The following ADAT3 variants were observed in gnomAD, a reference collection of about 807,000 sequenced individuals.
ADAT3 encodes adenosine deaminase tRNA specific 3.
In ADAT3, 2 loss-of-function variants were observed where a neutral mutation model predicts 3.5. The ratio of observed to expected loss-of-function variants is 0.57; its 90% CI spans 0.23 to 1.79. The LOEUF is 1.79. Ranked by LOEUF, ADAT3 falls within the 40% of genes most tolerant of loss-of-function variation. ADAT3 has a pLI of 0.18. For missense variants in ADAT3, 735 were observed against 571.4 expected (o/e 1.29, Z -2.92); for synonymous variants, 358 against 270.3 (o/e 1.32, Z -3.18).
Position 1,905,932 on chromosome 19 carries a change from A to C in ADAT3, c.-159+493A>C, listed in dbSNP as rs1241886234. ...ACCATCGTTCCTCATCGTTACCTAG[A>C]GTATGAGTTTTTCAGGTTTTTGTAT... On this transcript the variant is annotated intron_variant, in intron 1 of 1. Transcript: ENST00000329478. 3 of 152,246 alleles carry C rather than the reference A, an allele frequency of 2.0e-5. No homozygotes were observed. In the East Asian group the frequency reaches 5.8e-4, roughly 29 times the overall value. 9.4% of individuals were successfully genotyped at this position (152,246 alleles called of 1,614,324 possible). A position where few individuals can be genotyped will look rare whatever the true frequency, so the allele number is the denominator to read the frequency against.
rs751793893 is a variant in ADAT3, at chr19:1,912,851, C to A, written c.804C>A (p.Ala268=). ...GACCCTTCCCCGCCTGCTCCTTCGC[C>A]CCGGCCGCTGCCCCCCAGGCCGTCC... The part of the protein sequence containing the change: ...DFRPFPACSF[A]PAAAPQAVRA... Residue 268 remains alanine, a synonymous_variant, in exon 2 of 2, where the codon GCC becomes GCA. Coordinates refer to ENST00000329478, the MANE Select transcript of ADAT3 (RefSeq NM_138422.4). 1 of 1,596,976 alleles carries A rather than the reference C, an allele frequency of 6.3e-7. No homozygotes were observed. The highest frequency in any genetic ancestry group is 8.5e-7 in the Non-Finnish European group (1 of 1,176,972).
chr19:1,912,269 C>G lies in ADAT3; in HGVS notation c.222C>G (p.Arg74=). The change falls in exon 2 of 2, where the codon CGC becomes CGG. Residue 74 remains arginine (R), a synonymous_variant. Transcript: ENST00000329478. ...APVLDKRQTS[R]LLKEVSALHP... ...TCCTGGACAAGCGCCAGACCTCACG[C>G]CTCCTGAAGGAGGTGTCGGCCCTGC... is the stretch of plus-strand genomic sequence containing the variant. 1 of 1,593,112 alleles carries G rather than the reference C, an allele frequency of 6.3e-7. No individual in the cohort carries two copies.
In ADAT3 at chr19:1,913,000, G is replaced by C. The variant is rs368033500; in HGVS notation, c.953G>C (p.Arg318Pro). ...TGCGCCATGGCCCTGGTGCACGCAC[G>C]CATCCTGCGCGTCTTCTACGGTGCG... ...AMCAMALVHARILRVFYGAPS... is the reference protein window; with the variant it reads ...AMCAMALVHAPILRVFYGAPS... The change falls in exon 2 of 2, where the codon CGC (arginine) becomes CCC (proline). Residue 318 changes from arginine to proline, a missense_variant. By Grantham distance (103) the Arg-to-Pro change is moderately radical. Coordinates refer to ENST00000329478, the MANE Select transcript of ADAT3 (RefSeq NM_138422.4). 6.2e-7 allele frequency: 1 copy of C among 1,607,906 alleles called. No individual in the cohort carries two copies.
At position 1,913,350 on chromosome 19, in the gene ADAT3, G is replaced by A; in HGVS notation, c.*199G>A. ...CGGTCATTGGGGCCACCCCGTGCCAGCGGTGCCCTTCTGCGGCCGCCCTTG... is the reference window on the plus strand; with the variant it reads ...CGGTCATTGGGGCCACCCCGTGCCAACGGTGCCCTTCTGCGGCCGCCCTTG... On this transcript the variant is annotated 3_prime_UTR_variant, in exon 2 of 2. Transcript: ENST00000329478. The A allele has an allele frequency of 1.3e-6, 1 of 792,706 alleles. No individual in the cohort carries two copies. The highest frequency in any genetic ancestry group is 2.0e-5 in the South Asian group (1 of 51,222). The allele number at this position is 792,706 out of a possible 1,614,324, so 49.1% of individuals were successfully genotyped here.
chr19:1,911,656 G>A (rs538993742), intron 1 of ADAT3, among the ~76,000 whole-genome samples: 80 of 152,306 alleles, frequency 5.3e-4, no homozygotes, highest in African/African-American at 1.8e-3. Flanking sequence ...GGTGGCGCAT[G>A]CCTGTAATCC....
intron 1 of ADAT3, chr19:1,907,131 G>C (rs2013166026): frequency 6.6e-6 from 1 of 151,884 alleles, no homozygotes; most frequent in African/African-American, 2.4e-5. Flanking sequence ...AGGTTGCAGT[G>C]AGCCAGGATC....
chr19:1,912,848 C>G lies in ADAT3; in HGVS notation c.801C>G (p.Phe267Leu). ...TCAGACCCTTCCCCGCCTGCTCCTT[C>G]GCCCCGGCCGCTGCCCCCCAGGCCG... Reference protein sequence around the residue: ...YDFRPFPACSFAPAAAPQAVR... With the variant: ...YDFRPFPACSLAPAAAPQAVR... The change falls in exon 2 of 2, where the codon TTC becomes TTG. Residue 267 changes from phenylalanine to leucine, a missense_variant. Physicochemically the swap from Phe to Leu is conservative, Grantham distance 22. Transcript: ENST00000329478. 1 of 1,595,736 alleles carries G rather than the reference C, an allele frequency of 6.3e-7. No homozygotes were observed. The highest frequency in any genetic ancestry group is 8.5e-7 in the Non-Finnish European group (1 of 1,176,624).
In ADAT3 at chr19:1,913,198, C is replaced by T. The variant is rs1465253672; in HGVS notation, c.*47C>T. 5.5e-6 allele frequency: 8 copies of T among 1,467,296 alleles called. No homozygotes were observed. 90.9% of individuals were successfully genotyped at this position (1,467,296 alleles called of 1,614,324 possible). On this transcript the variant is annotated 3_prime_UTR_variant, in exon 2 of 2. Coordinates refer to ENST00000329478, the MANE Select transcript of ADAT3 (RefSeq NM_138422.4). ...ACCCTTCCCGCTCCCGGCCGTGGGG[C>T]GCCCCTCCTGGACTTCCGGGCCTCG...
Position 1,908,442 on chromosome 19 carries a change from A to G in ADAT3, c.-159+3003A>G, listed in dbSNP as rs1422597538. The stretch of plus-strand genomic sequence containing the variant: ...CAGTGCATGTCGAGGAGTAGCACCC[A>G]CAGCTGCGCGGCTGCGAAATGATCC... On this transcript the variant is annotated intron_variant, in intron 1 of 1. Coordinates refer to ENST00000329478, the MANE Select transcript of ADAT3 (RefSeq NM_138422.4). This position sits in a 1 kb window ranked among gnomAD's most constrained non-coding sequence, Gnocchi z 4.2. 2.1e-6 allele frequency: 1 copy of G among 468,910 alleles called. No homozygotes were observed. The highest frequency in any genetic ancestry group is 7.0e-5 in the East Asian group (1 of 14,358). 29.0% of individuals were successfully genotyped at this position (468,910 alleles called of 1,614,324 possible).
Position 1,908,950 on chromosome 19 carries a change from C to T in ADAT3, c.-158-2940C>T, listed in dbSNP as rs1270584893. Among the ~76,000 whole-genome samples, 3 of 151,978 alleles carry T rather than the reference C, an allele frequency of 2.0e-5. No homozygotes were observed. The highest frequency in any genetic ancestry group is 1.3e-4 in the Admixed American group (2 of 15,232). On this transcript the variant is annotated intron_variant, in intron 1 of 1. Transcript: ENST00000329478. The surrounding 1 kb of genome is among the most constrained non-coding windows in gnomAD (Gnocchi z 4.2). Reference sequence around the variant, plus strand: ...TGGAACCCCGTCTCTACTGAAAATACAAAAATTAGCCGGGCGTGGTGGCAT... The same window carrying T: ...TGGAACCCCGTCTCTACTGAAAATATAAAAATTAGCCGGGCGTGGTGGCAT...
rs756929785 is a variant in ADAT3, at chr19:1,912,222, G to A, written c.175G>A (p.Val59Met). 1.9e-6 allele frequency: 3 copies of A among 1,594,862 alleles called. No homozygotes were observed. Among genetic ancestry groups the A allele is most frequent in the Non-Finnish European group, 2.6e-6 (3 of 1,173,860 alleles). ...GAAGCAGTCAGGGGACGTGGAGCTGGTGCTGGCCTACGCCGCGCCCGTCCT... is the reference window on the plus strand; with the variant it reads ...GAAGCAGTCAGGGGACGTGGAGCTGATGCTGGCCTACGCCGCGCCCGTCCT... ...SEKQSGDVEL[V>M]LAYAAPVLDK... is the part of the protein sequence containing the mutation. The change falls in exon 2 of 2, where the codon GTG (valine) becomes ATG (methionine). Residue 59 changes from valine to methionine, a missense_variant. Coordinates refer to ENST00000329478, the MANE Select transcript of ADAT3 (RefSeq NM_138422.4).
At chr19:1,911,309 C>CCACCGGTGT (rs1265947905) in intron 1 of ADAT3, among the ~76,000 whole-genome samples, 2 of 151,722 alleles carry the variant, frequency 1.3e-5, no homozygotes, top group Non-Finnish European at 2.9e-5. Flanking sequence ...GTAGCTGAAA[C>CCACCGGTGT]CACCGGTGTG....
At position 1,912,113 on chromosome 19, in the gene ADAT3, C is replaced by A; in HGVS notation, c.66C>A (p.Gly22=). 1 of 1,529,198 alleles carries A rather than the reference C, an allele frequency of 6.5e-7. No individual in the cohort carries two copies. The highest frequency in any genetic ancestry group is 1.2e-5 in the South Asian group (1 of 81,694). 94.7% of individuals were successfully genotyped at this position (1,529,198 alleles called of 1,614,324 possible). Reference sequence around the variant, plus strand: ...CGCTGAGGATGGAGCCCGCCCCGGGCCTCGTGGAGCAGCCCAAGTGCTTGG... The same window carrying A: ...CGCTGAGGATGGAGCCCGCCCCGGGACTCGTGGAGCAGCCCAAGTGCTTGG... The part of the protein sequence containing the change: ...SASLRMEPAP[G]LVEQPKCLEA... The change falls in exon 2 of 2, where the codon GGC becomes GGA. Residue 22 remains glycine, a synonymous_variant. Transcript: ENST00000329478.
rs1313030677 is a variant in ADAT3 at position 1,908,546 on chromosome 19, C to T, written c.-159+3107C>T. 1 of 471,138 alleles carries T rather than the reference C, an allele frequency of 2.1e-6. No homozygotes were observed. Among genetic ancestry groups the T allele is most frequent in the Admixed American group, 2.3e-5 (1 of 42,572 alleles). The allele number at this position is 471,138 out of a possible 1,614,324, so 29.2% of individuals were successfully genotyped here. On this transcript the variant is annotated intron_variant, in intron 1 of 1. Transcript: ENST00000329478. This position sits in a 1 kb window ranked among gnomAD's most constrained non-coding sequence, Gnocchi z 4.2. ...GTCCAGGCTGGCAGTTCAGGATCAC[C>T]CGGCTGGAGTCATTTTAAGATCATC...
rs2013596298 is a variant in ADAT3 at position 1,913,246 on chromosome 19, C to T, written c.*95C>T. On this transcript the variant is annotated 3_prime_UTR_variant, in exon 2 of 2. Coordinates refer to ENST00000329478, the MANE Select transcript of ADAT3 (RefSeq NM_138422.4). The stretch of plus-strand genomic sequence containing the variant: ...TCGATTTCTTCCGCACAAGCCTGAC[C>T]GTGGATTTCAGGGACACATACCGCC... 10 of 1,437,272 alleles carry T rather than the reference C, an allele frequency of 7.0e-6. No homozygotes were observed. In the South Asian group the frequency reaches 7.4e-5, roughly 11 times the overall value. The allele number at this position is 1,437,272 out of a possible 1,614,324, so 89.0% of individuals were successfully genotyped here.
rs1327035858 is a variant in ADAT3 at position 1,913,418 on chromosome 19, C to G, written c.*267C>G. On this transcript the variant is annotated 3_prime_UTR_variant, in exon 2 of 2. Coordinates refer to ENST00000329478, the MANE Select transcript of ADAT3 (RefSeq NM_138422.4). Reference sequence around the variant, plus strand: ...CTGTCTCGCGGGCCGGGAAACTGCTCTGATGGGAAAATAAACAGCCCAAAA... The same window carrying G: ...CTGTCTCGCGGGCCGGGAAACTGCTGTGATGGGAAAATAAACAGCCCAAAA... The G allele has an allele frequency of 1.6e-5, 9 of 578,508 alleles. No individual in the cohort carries two copies. In the East Asian group the frequency reaches 2.2e-4, roughly 14 times the overall value. 35.8% of individuals were successfully genotyped at this position (578,508 alleles called of 1,614,324 possible). A position where few individuals can be genotyped will look rare whatever the true frequency, so the allele number is the denominator to read the frequency against.
intron 1 of ADAT3, chr19:1,906,406 A>T (rs1242611894): frequency 6.6e-6 from 1 of 151,238 alleles, no homozygotes; most frequent in East Asian, 1.9e-4. Context: ...AGGCATGGTG[A>T]CACATGTCTG....
chr19:1,907,983 C>T (rs1163716916), intron 1 of ADAT3: 2 of 156,008 alleles, frequency 1.3e-5, no homozygotes, highest in Non-Finnish European at 2.8e-5. Context: ...CGGGCCCAGC[C>T]TGCAGTGTCC....
rs190600915 is a variant in ADAT3, at chr19:1,910,356, G to A, written c.-158-1534G>A. Among the ~76,000 whole-genome samples the A allele has an allele frequency of 6.7e-4, 102 of 152,304 alleles. No individual in the cohort carries two copies. The East Asian group carries it at 7.7e-3, about 12-fold the overall frequency. On this transcript the variant is annotated intron_variant, in intron 1 of 1. Transcript: ENST00000329478. ...CCCTTCTGTCTGGAAGCCAGGCGCC[G>A]CCTGTCCCCGCTTCTGCTTCCAGGC...
Sources: gnomAD v4.1 joint callset for allele counts (sites outside exome capture counted in the v4.1 genomes callset) on GRCh38, gnomAD v4.1.1 for gene constraint, Gnocchi (gnomAD v3.1) non-coding constraint, MANE v1.5 for transcripts, NCBI Gene and HGNC (gene_info 2026-07-23, HGNC 2026-07-21) for gene names.